Variants in PLA2G7 observed in about 807,000 individuals in gnomAD.
PLA2G7 encodes platelet-activating factor acetylhydrolase.
PLA2G7 carries 63 observed loss-of-function variants against 49.6 expected under a neutral mutation model. The ratio of observed to expected loss-of-function variants is 1.27; its 90% CI spans 1.04 to 1.57. The LOEUF is 1.57. PLA2G7 is among the 40% of genes most tolerant of loss of function. The pLI, the probability that PLA2G7 is intolerant of heterozygous loss-of-function variation, is 0.00. For missense variants in PLA2G7, 596 were observed against 521.2 expected (o/e 1.14, Z -1.40); for synonymous variants, 193 against 169.9 (o/e 1.14, Z -1.06).
At chr6:46,713,676 G>A (rs1765105765) in intron 5 of PLA2G7, among the ~76,000 whole-genome samples, 1 of 152,144 alleles carries the variant, frequency 6.6e-6, no homozygotes, top group African/African-American at 2.4e-5. Flanking sequence ...AGTAGAAGAG[G>A]GGTGACAGGT....
In PLA2G7 at chr6:46,704,443, C is replaced by G; in HGVS notation, c.*117G>C. 3 of 518,404 alleles carry G rather than the reference C, an allele frequency of 5.8e-6. No individual in the cohort carries two copies. Among genetic ancestry groups the G allele is most frequent in the Non-Finnish European group, 1.1e-5 (3 of 276,602 alleles). 32.1% of individuals were successfully genotyped at this position (518,404 alleles called of 1,614,324 possible). ...TCCTTTGGGAAAATACATTAAAATT[C>G]TCTCTCTCTCTCTCTCTCTCTCTCT... On this transcript the variant is annotated 3_prime_UTR_variant, in exon 12 of 12. Transcript: ENST00000274793.
intron 9 of PLA2G7, 102 bp downstream of exon 9, chr6:46,709,225 A>C (rs1370896737): frequency 2.7e-6 from 2 of 740,650 alleles, no homozygotes; most frequent in African/African-American, 3.5e-5. Flanking sequence ...AAACTCCAAG[A>C]GATCCCTTCT....
In PLA2G7 at chr6:46,705,311, A is replaced by T. The variant is rs756787851; in HGVS notation, c.1041-10T>A. On this transcript the variant is annotated splice_polypyrimidine_tract_variant and intron_variant, in intron 10 of 11. Coordinates refer to ENST00000274793, the MANE Select transcript of PLA2G7 (RefSeq NM_005084.4). Reference sequence around the variant, plus strand: ...CTGGTGGACTGAACCCCTAAAAGAGAACAAGACATTTAAAAGTCACATTGT... The same window carrying T: ...CTGGTGGACTGAACCCCTAAAAGAGTACAAGACATTTAAAAGTCACATTGT... 2 of 1,608,018 alleles carry T rather than the reference A, an allele frequency of 1.2e-6. No individual in the cohort carries two copies. Among genetic ancestry groups the T allele is most frequent in the African/African-American group, 2.7e-5 (2 of 74,782 alleles).
chr6:46,715,122 G>A (rs1348475290), intron 4 of PLA2G7, among the ~76,000 whole-genome samples: 1 of 152,096 alleles, frequency 6.6e-6, no homozygotes, highest in Non-Finnish European at 1.5e-5. Flanking sequence ...CCCACTTATA[G>A]GTGTATTCAT....
rs1764728374 is a variant in PLA2G7 at position 46,704,495 on chromosome 6, CACACA to C, written c.*60_*64del. The C allele has an allele frequency of 8.9e-6, 8 of 894,964 alleles. No homozygotes were observed. The African/African-American group carries it at 1.3e-4, about 15-fold the overall frequency. 55.4% of individuals were successfully genotyped at this position (894,964 alleles called of 1,614,324 possible). A position where few individuals can be genotyped will look rare whatever the true frequency, so the allele number is the denominator to read the frequency against. ...TCTCTCTCTCACACACACACACACACACACACACACACACATAATTTTAGACAGTT... is the reference window on the plus strand; with the variant it reads ...TCTCTCTCTCACACACACACACACACCACACACACATAATTTTAGACAGTT... On this transcript the variant is annotated 3_prime_UTR_variant, in exon 12 of 12. Transcript: ENST00000274793.
intron 1 of PLA2G7, 86 bp downstream of exon 1, chr6:46,735,094 C>A (rs1765879982): frequency 6.6e-6 from 1 of 152,084 alleles, no homozygotes; most frequent in Admixed American, 6.5e-5. Context: ...CCACCCCGGC[C>A]GGTCGCCGCT....
intron 2 of PLA2G7, 113 bp downstream of exon 2, chr6:46,722,670 A>G (rs536114890): frequency 1.4e-6 from 1 of 720,052 alleles, no homozygotes; most frequent in South Asian, 1.5e-5. Context: ...CAGGATCTCC[A>G]TAAGCCTTTA....
At chr6:46,729,672 G>A (rs1477439405) in intron 1 of PLA2G7, among the ~76,000 whole-genome samples, 2 of 152,168 alleles carry the variant, frequency 1.3e-5, no homozygotes, top group Non-Finnish European at 2.9e-5. Context: ...CTTAAGCTCA[G>A]CACTGCTGAC....
intron 1 of PLA2G7, among the ~76,000 whole-genome samples, chr6:46,732,924 T>C (rs1405780226): frequency 1.3e-5 from 2 of 152,226 alleles, no homozygotes; most frequent in Admixed American, 6.5e-5. Context: ...TTTTATTTTA[T>C]GGAAATTTCT....
chr6:46,715,398 C>T (rs577102964), intron 4 of PLA2G7, among the ~76,000 whole-genome samples: 1 of 152,330 alleles, frequency 6.6e-6, no homozygotes, highest in African/African-American at 2.4e-5. Context: ...CTTCAGATTC[C>T]TCTTCTGTAA....
At position 46,725,812 on chromosome 6, in the gene PLA2G7, C is replaced by T. The variant is rs534588882; in HGVS notation, c.-34-2887G>A. ...AGGCATTTCTAGGCTCGAATACATG[C>T]ACACTGAAGGGGCCAAGGGGGCCAC... is the stretch of plus-strand genomic sequence containing the variant. On this transcript the variant is annotated intron_variant, in intron 1 of 11. Transcript: ENST00000274793. 3.8e-3 allele frequency among the ~76,000 whole-genome samples: 581 copies of T among 152,232 alleles called. 4 individuals are homozygous for T. The highest frequency in any genetic ancestry group is 4.9e-3 in the Non-Finnish European group (334 of 68,010).
In PLA2G7 at chr6:46,704,476, TCTCACACACACACACACA is replaced by T. The variant is rs1369706025; in HGVS notation, c.*66_*83del. ...CTCTCTCTCTCTCTCTCTCTCTCTC[TCTCACACACACACACACA>T]CACACACACACACACATAATTTTAG... On this transcript the variant is annotated 3_prime_UTR_variant, in exon 12 of 12. Transcript: ENST00000274793. 2 of 52,068 alleles carry T rather than the reference TCTCACACACACACACACA, an allele frequency of 3.8e-5. No individual in the cohort carries two copies. The highest frequency in any genetic ancestry group is 4.8e-4 in the African/African-American group (2 of 4,128). 3.2% of individuals were successfully genotyped at this position (52,068 alleles called of 1,614,324 possible). A position where few individuals can be genotyped will look rare whatever the true frequency, so the allele number is the denominator to read the frequency against.
At chr6:46,711,364 A>G in intron 7 of PLA2G7, 132 bp downstream of exon 7, 1 of 998,028 alleles carries the variant, frequency 1.0e-6, no homozygotes, top group Non-Finnish European at 1.6e-6. Flanking sequence ...GAATCTATTG[A>G]CAGATCTTTT....
rs762301069 is a variant in PLA2G7 at position 46,709,407 on chromosome 6, A to G, written c.789T>C (p.Asp263=). The G allele has an allele frequency of 2.5e-6, 4 of 1,579,678 alleles. No individual in the cohort carries two copies. The East Asian group carries it at 6.7e-5, about 27-fold the overall frequency. ...GTCCAATTACTGCTATTTTTTCCCT[A>G]TCAATAGAGTCCTATTTGAAAAAGC... ...FDMEQLKDSI[D]REKIAVIGHS... Residue 263 remains aspartate (D), a synonymous_variant, in exon 9 of 12, where the codon GAT becomes GAC. Coordinates refer to ENST00000274793, the MANE Select transcript of PLA2G7 (RefSeq NM_005084.4).
chr6:46,731,740 T>C (rs1350126829), intron 1 of PLA2G7, among the ~76,000 whole-genome samples: 1 of 152,188 alleles, frequency 6.6e-6, no homozygotes, highest in Non-Finnish European at 1.5e-5. Flanking sequence ...ATAATAATGG[T>C]AATAATGTCT....
intron 1 of PLA2G7, 111 bp from the exon 2 acceptor site, chr6:46,723,036 A>C: frequency 4.6e-6 from 3 of 656,984 alleles, no homozygotes; most frequent in East Asian, 2.9e-5. Context: ...AAAATAAAAC[A>C]TGTATTTTCT....
At chr6:46,729,960 A>G (rs574382618) in intron 1 of PLA2G7, among the ~76,000 whole-genome samples, 12 of 152,360 alleles carry the variant, frequency 7.9e-5, no homozygotes, top group African/African-American at 2.2e-4. Flanking sequence ...ATTTAAAAAC[A>G]CAATGGATAG....
chr6:46,733,706 A>T (rs1481667408), intron 1 of PLA2G7, among the ~76,000 whole-genome samples: 1 of 152,206 alleles, frequency 6.6e-6, no homozygotes, highest in Non-Finnish European at 1.5e-5. Flanking sequence ...TGCCTGGGTG[A>T]TGGAGGCTCA....
chr6:46,707,229 C>CT (rs974147115), intron 10 of PLA2G7, among the ~76,000 whole-genome samples: 1 of 152,150 alleles, frequency 6.6e-6, no homozygotes, highest in African/African-American at 2.4e-5. Flanking sequence ...GATAATCTGA[C>CT]TTTTTCTTTA....
Sources: gnomAD v4.1 joint callset for allele counts (sites outside exome capture counted in the v4.1 genomes callset) on GRCh38, gnomAD v4.1.1 for gene constraint, MANE v1.5 for transcripts, NCBI Gene and HGNC (gene_info 2026-07-23, HGNC 2026-07-21) for gene names.